Variants in NLGN1 observed in about 807,000 individuals in gnomAD.
The protein encoded by NLGN1 is neuroligin 1, also known as neuroligin-1.
In NLGN1, 12 loss-of-function variants were observed where a neutral mutation model predicts 65.5. The ratio of observed to expected loss-of-function variants is 0.18; its 90% CI spans 0.12 to 0.30. NLGN1 has a LOEUF of 0.30. Among genes scored for constraint, NLGN1 ranks in the 10% least tolerant of loss-of-function variants. NLGN1 has a pLI of 1.00. For synonymous variants in NLGN1, 350 were observed against 359.5 expected, an observed-to-expected ratio of 0.97 and a Z score of 0.30; for missense variants, 750 against 1,007.1, an observed-to-expected ratio of 0.74 and a Z score of 3.46.
At chr3:174,217,838 A>T (rs1737911120) in intron 4 of NLGN1, among the ~76,000 whole-genome samples, 1 of 152,014 alleles carries the variant, frequency 6.6e-6, no homozygotes, top group Non-Finnish European at 1.5e-5. Flanking sequence ...CAAATAGGGG[A>T]CTATATACAT....
intron 4 of NLGN1, among the ~76,000 whole-genome samples, chr3:174,052,150 A>G (rs1442573500): frequency 1.3e-5 from 2 of 151,974 alleles, no homozygotes. Flanking sequence ...TTCTCCATGA[A>G]CCATTTTACT....
chr3:173,887,467 AATT>A (rs1457286074), intron 4 of NLGN1, among the ~76,000 whole-genome samples: 1 of 152,008 alleles, frequency 6.6e-6, no homozygotes, highest in African/African-American at 2.4e-5. Flanking sequence ...ACATCAAAAA[AATT>A]TAAATTTTAG....
At chr3:174,129,241 T>A (rs1174909135) in intron 4 of NLGN1, among the ~76,000 whole-genome samples, 2 of 152,016 alleles carry the variant, frequency 1.3e-5, no homozygotes, top group African/African-American at 4.8e-5. Context: ...ACGATCAATT[T>A]TTTGGCTCAT....
intron 4 of NLGN1, among the ~76,000 whole-genome samples, chr3:173,913,298 C>T (rs780373245): frequency 5.3e-5 from 8 of 152,186 alleles, no homozygotes; most frequent in Admixed American, 1.3e-4. Context: ...AGGTGTGGTT[C>T]GCCTTTGGAA....
chr3:173,693,724 G>A (rs760815069), intron 3 of NLGN1, among the ~76,000 whole-genome samples: 2 of 151,954 alleles, frequency 1.3e-5, no homozygotes, highest in East Asian at 3.8e-4. Flanking sequence ...AAAAAAACAG[G>A]AAATGGTGTT....
chr3:174,127,651 T>A (rs1341270000), intron 4 of NLGN1, among the ~76,000 whole-genome samples: 1 of 152,144 alleles, frequency 6.6e-6, no homozygotes, highest in African/African-American at 2.4e-5. Context: ...GTTCCAATAC[T>A]AACCCTTCAA....
chr3:173,926,163 T>A (rs1742965748), intron 4 of NLGN1, among the ~76,000 whole-genome samples: 1 of 152,046 alleles, frequency 6.6e-6, no homozygotes, highest in African/African-American at 2.4e-5. Context: ...AATAGTATTT[T>A]TTTTTCTGTT....
intron 2 of NLGN1, among the ~76,000 whole-genome samples, chr3:173,558,389 T>A (rs974650374): frequency 6.6e-6 from 1 of 152,142 alleles, no homozygotes; most frequent in Non-Finnish European, 1.5e-5. Context: ...TGGTCACTAT[T>A]TCCTCATTTG....
intron 4 of NLGN1, among the ~76,000 whole-genome samples, chr3:173,922,836 G>A (rs1479307092): frequency 2.6e-5 from 4 of 152,092 alleles, no homozygotes; most frequent in African/African-American, 9.7e-5. Context: ...CAGGTAGACT[G>A]CTTGGGGTTA....
rs1713651073 is a variant in NLGN1, at chr3:173,415,919, G to GAGAGGGAGAGA, written c.-390+17432_-390+17433insAGAGGGAGAGA. 5.4e-3 allele frequency among the ~76,000 whole-genome samples: 677 copies of GAGAGGGAGAGA among 125,160 alleles called. 14 individuals carry two copies. The highest frequency in any genetic ancestry group is 0.021 in the African/African-American group (640 of 30,278). The allele number at this position is 125,160 out of a possible 152,430, so 82.1% of individuals were successfully genotyped here. On this transcript the variant is annotated intron_variant, in intron 1 of 6. Transcript: ENST00000457714. ...TATATATATATAGAGAGAGAGAGAG[G>GAGAGGGAGAGA]GAGAGAGAGAGAGAGAGAGAGAGAG...
chr3:174,160,112 A>C (rs556731356), intron 4 of NLGN1, among the ~76,000 whole-genome samples: 2 of 151,992 alleles, frequency 1.3e-5, no homozygotes, highest in Admixed American at 1.3e-4. Flanking sequence ...ATACACACAC[A>C]CACACATGCT....
chr3:173,537,483 AGTGTGT>A (rs35226730), intron 2 of NLGN1, among the ~76,000 whole-genome samples: 6 of 149,002 alleles, frequency 4.0e-5, no homozygotes, highest in Admixed American at 1.3e-4. Context: ...GTATTTGCTT[AGTGTGT>A]GTGTGTGTGT....
At chr3:174,267,481 C>T (rs1387541833) in intron 4 of NLGN1, among the ~76,000 whole-genome samples, 1 of 152,136 alleles carries the variant, frequency 6.6e-6, no homozygotes, top group Non-Finnish European at 1.5e-5. Flanking sequence ...GTCTTTTTAC[C>T]ACACTAAATG....
At chr3:174,282,180 G>A (rs994993024) in exon 7 of NLGN1, 1 of 152,176 alleles carries the variant, frequency 6.6e-6, no homozygotes, top group African/African-American at 2.4e-5. Context: ...AAAATTTCCT[G>A]TTTTTAATGT....
At chr3:174,206,558 C>A (rs977621200) in intron 4 of NLGN1, among the ~76,000 whole-genome samples, 2 of 152,300 alleles carry the variant, frequency 1.3e-5, no homozygotes, top group African/African-American at 4.8e-5. Context: ...TACACTCAGC[C>A]CCCACTGCTG....
At chr3:173,891,006 G>T (rs1043293421) in intron 4 of NLGN1, among the ~76,000 whole-genome samples, 1 of 152,124 alleles carries the variant, frequency 6.6e-6, no homozygotes, top group South Asian at 2.1e-4. Context: ...AAGACAAGTG[G>T]AGATCAGCAG....
At chr3:173,488,896 A>G (rs763096436) in intron 2 of NLGN1, among the ~76,000 whole-genome samples, 4 of 146,940 alleles carry the variant, frequency 2.7e-5, no homozygotes, top group Non-Finnish European at 6.0e-5. Context: ...GTGATCCTTC[A>G]GCTTTCTTTT....
At chr3:174,133,832 T>G (rs373137995) in intron 4 of NLGN1, among the ~76,000 whole-genome samples, 13 of 151,754 alleles carry the variant, frequency 8.6e-5, no homozygotes, top group African/African-American at 3.1e-4. Flanking sequence ...CAATGGAGTA[T>G]TTCTTATCAT....
chr3:173,791,278 A>T (rs962322796), intron 3 of NLGN1, among the ~76,000 whole-genome samples: 1 of 152,182 alleles, frequency 6.6e-6, no homozygotes, highest in African/African-American at 2.4e-5. Context: ...CAACCTGTAC[A>T]AGCATTTCAC....
Sources: allele counts gnomAD v4.1 joint callset (sites outside exome capture counted in the v4.1 genomes callset), GRCh38; gene constraint gnomAD v4.1.1; transcripts MANE v1.5; gene names NCBI Gene and HGNC (gene_info 2026-07-23, HGNC 2026-07-21).